The following IFFO2 variants were observed in gnomAD, a reference collection of about 807,000 sequenced individuals.
The protein encoded by IFFO2 is intermediate filament family orphan 2.
A neutral mutation model predicts 53.5 loss-of-function variants in IFFO2; 19 were observed. The observed-to-expected ratio is 0.36, with a 90% CI of 0.25 to 0.52. IFFO2 has a LOEUF of 0.52. Among genes scored for constraint, IFFO2 ranks in the 20% least tolerant of loss-of-function variants. The pLI is 0.94. For missense variants in IFFO2, 570 were observed against 727.4 expected, an observed-to-expected ratio of 0.78 and a Z score of 2.49; for synonymous variants, 303 against 313.6, an observed-to-expected ratio of 0.97 and a Z score of 0.36.
intron 1 of IFFO2, among the ~76,000 whole-genome samples, chr1:18,932,982 C>A (rs964310299): frequency 6.6e-6 from 1 of 152,258 alleles, no homozygotes; most frequent in African/African-American, 2.4e-5. Context: ...CAGAATATCT[C>A]CCACAGCCCA....
intron 1 of IFFO2, among the ~76,000 whole-genome samples, chr1:18,949,923 C>G (rs1936638849): frequency 6.6e-6 from 1 of 152,256 alleles, no homozygotes; most frequent in Non-Finnish European, 1.5e-5. Flanking sequence ...TCAGCGTCAG[C>G]TGTCTCCCTG....
chr1:18,915,117 G>C (rs934600954), intron 5 of IFFO2, among the ~76,000 whole-genome samples: 4 of 152,160 alleles, frequency 2.6e-5, no homozygotes, highest in Admixed American at 6.5e-5. Context: ...GGCATGGCGT[G>C]GGGGACAAAG....
chr1:18,925,430 C>T (rs1392023944), intron 1 of IFFO2, among the ~76,000 whole-genome samples: 1 of 152,214 alleles, frequency 6.6e-6, no homozygotes, highest in Non-Finnish European at 1.5e-5. Flanking sequence ...AGCTCTTGCC[C>T]AAAGGAGCCA....
Position 18,917,179 on chromosome 1 carries a change from G to A in IFFO2, c.964-137C>T. 1.0e-6 allele frequency: 1 copy of A among 970,892 alleles called. No individual in the cohort carries two copies. The highest frequency in any genetic ancestry group is 1.5e-6 in the Non-Finnish European group (1 of 666,404). The allele number at this position is 970,892 out of a possible 1,614,324, so 60.1% of individuals were successfully genotyped here. On this transcript the variant is annotated intron_variant, in intron 4 of 8. Transcript: ENST00000455833. This position sits in a 1 kb window ranked among gnomAD's most constrained non-coding sequence, Gnocchi z 5.9. ...CCGGCCAGTGCCAGGAAAGGTGCAG[G>A]TCCTCTAAGAAGCAGGCGGCGTTAG... is the stretch of plus-strand genomic sequence containing the variant.
chr1:18,930,923 C>T (rs1217711603), intron 1 of IFFO2, among the ~76,000 whole-genome samples: 2 of 152,164 alleles, frequency 1.3e-5, no homozygotes, highest in Admixed American at 6.5e-5. Flanking sequence ...GTAATCCCAA[C>T]ACTTTGGGAG....
Position 18,906,771 on chromosome 1 carries a change from G to C in IFFO2, c.*1790C>G, listed in dbSNP as rs575797206. ...CTAACAAGAGATGCTGACTATGGAA[G>C]TGTCACAGCCAGACTGCCACAGGGG... On this transcript the variant is annotated 3_prime_UTR_variant, in exon 9 of 9. Transcript: ENST00000455833. The C allele has an allele frequency of 1.3e-5, 2 of 152,312 alleles. No homozygotes were observed. Among genetic ancestry groups the C allele is most frequent in the East Asian group, 3.9e-4 (2 of 5,188 alleles). The allele number at this position is 152,312 out of a possible 1,614,324, so 9.4% of individuals were successfully genotyped here. A position where few individuals can be genotyped will look rare whatever the true frequency, so the allele number is the denominator to read the frequency against.
chr1:18,942,561 C>G (rs539059660), intron 1 of IFFO2, among the ~76,000 whole-genome samples: 16 of 152,330 alleles, frequency 1.1e-4, no homozygotes, highest in African/African-American at 3.6e-4. Context: ...AGCAGTAACA[C>G]AACTCCAAGC....
At position 18,947,506 on chromosome 1, in the gene IFFO2, A is replaced by C. The variant is rs1370393861; in HGVS notation, c.665+8162T>G. Among the ~76,000 whole-genome samples the C allele has an allele frequency of 1.3e-5, 2 of 152,340 alleles. No individual in the cohort carries two copies. Among genetic ancestry groups the C allele is most frequent in the East Asian group, 3.9e-4 (2 of 5,190 alleles). On this transcript the variant is annotated intron_variant, in intron 1 of 8. Coordinates refer to ENST00000455833, the MANE Select transcript of IFFO2 (RefSeq NM_001136265.2). The surrounding 1 kb of genome is among the most constrained non-coding windows in gnomAD (Gnocchi z 5.0). The stretch of plus-strand genomic sequence containing the variant: ...CCTTTCTGGGTACAGCACAGGATAA[A>C]GGTTGGATCTGGAGCCTGACTTCCA...
intron 5 of IFFO2, among the ~76,000 whole-genome samples, chr1:18,912,544 C>T (rs543281198): frequency 4.6e-5 from 7 of 152,286 alleles, no homozygotes; most frequent in African/African-American, 1.7e-4. Context: ...AGCCACACAG[C>T]TAGCATGTAG....
rs569308119 is a variant in IFFO2, at chr1:18,918,136, G to A, written c.963+226C>T. Among the ~76,000 whole-genome samples, 1 of 152,280 alleles carries A rather than the reference G, an allele frequency of 6.6e-6. No individual in the cohort carries two copies. Among genetic ancestry groups the A allele is most frequent in the South Asian group, 2.1e-4 (1 of 4,816 alleles). On this transcript the variant is annotated intron_variant, in intron 4 of 8. Transcript: ENST00000455833. The surrounding 1 kb of genome is among the most constrained non-coding windows in gnomAD (Gnocchi z 5.2). ...CACAGCACATCACCCTCTGGGCCTCGGTCTCCCCAGCCATAGGATGAAGCA... is the reference window on the plus strand; with the variant it reads ...CACAGCACATCACCCTCTGGGCCTCAGTCTCCCCAGCCATAGGATGAAGCA...
intron 1 of IFFO2, among the ~76,000 whole-genome samples, chr1:18,944,482 G>T (rs912856520): frequency 2.6e-5 from 4 of 152,134 alleles, no homozygotes; most frequent in African/African-American, 9.7e-5. Context: ...TGGGGGATGG[G>T]GAGGCTGAGG....
At chr1:18,931,804 G>A (rs1936378895) in intron 1 of IFFO2, among the ~76,000 whole-genome samples, 1 of 152,156 alleles carries the variant, frequency 6.6e-6, no homozygotes, top group African/African-American at 2.4e-5. Flanking sequence ...TGGTCTGATG[G>A]TGTCTCGTCG....
chr1:18,948,945 T>G (rs1286407574), intron 1 of IFFO2, among the ~76,000 whole-genome samples: 2 of 152,208 alleles, frequency 1.3e-5, no homozygotes, highest in Non-Finnish European at 2.9e-5. Context: ...AGCATCCCTG[T>G]TTTACAGATG....
intron 1 of IFFO2, among the ~76,000 whole-genome samples, chr1:18,940,903 T>C (rs555766247): frequency 6.6e-6 from 1 of 152,266 alleles, no homozygotes; most frequent in Non-Finnish European, 1.5e-5. Flanking sequence ...CCAAAAGCCA[T>C]GAGGTTTATC....
In IFFO2 at chr1:18,912,059, G is replaced by A. The variant is rs755663116; in HGVS notation, c.1128C>T (p.Asp376=). 3.9e-6 allele frequency: 6 copies of A among 1,551,508 alleles called. No individual in the cohort carries two copies. The highest frequency in any genetic ancestry group is 2.4e-5 in the East Asian group (1 of 40,916). Residue 376 remains aspartate (D), a synonymous_variant, in exon 6 of 9, where the codon GAC becomes GAT. Transcript: ENST00000455833. ...CTTCCCACGTCAGGCTGTCACAGTC[G>A]TCGTCAAAGTCAAAGGTCTCCCGCC... The part of the protein sequence containing the change: ...NQLRETFDFD[D]DCDSLTWEEN...
At position 18,919,853 on chromosome 1, in the gene IFFO2, C is replaced by T; in HGVS notation, c.727-80G>A. The T allele has an allele frequency of 1.0e-6, 1 of 960,822 alleles. No individual in the cohort carries two copies. The highest frequency in any genetic ancestry group is 1.5e-5 in the South Asian group (1 of 68,330). The allele number at this position is 960,822 out of a possible 1,614,324, so 59.5% of individuals were successfully genotyped here. On this transcript the variant is annotated intron_variant, in intron 2 of 8. Transcript: ENST00000455833. The surrounding 1 kb of genome is among the most constrained non-coding windows in gnomAD (Gnocchi z 4.9). ...AGGGTCTGGACACCTGAGTCCAGAG[C>T]CCTAGGCACCCGATGTCCACCCCAG... is the stretch of plus-strand genomic sequence containing the variant.
intron 7 of IFFO2, 65 bp from the exon 8 acceptor site, chr1:18,910,537 C>T (rs1936021203): frequency 1.3e-6 from 2 of 1,541,648 alleles, no homozygotes; most frequent in African/African-American, 2.7e-5. Context: ...GCCTCGGCAA[C>T]CTCTCCTCCT....
chr1:18,939,641 C>T (rs1397144923), intron 1 of IFFO2, among the ~76,000 whole-genome samples: 6 of 152,168 alleles, frequency 3.9e-5, no homozygotes, highest in Admixed American at 3.3e-4. Flanking sequence ...TGAGTCAAGG[C>T]ACAGTCTCTC....
rs963485182 is a variant in IFFO2, at chr1:18,919,985, C to G, written c.727-212G>C. Among the ~76,000 whole-genome samples, 5 of 152,200 alleles carry G rather than the reference C, an allele frequency of 3.3e-5. No individual in the cohort carries two copies. Among genetic ancestry groups the G allele is most frequent in the Non-Finnish European group, 7.3e-5 (5 of 68,038 alleles). On this transcript the variant is annotated intron_variant, in intron 2 of 8. Coordinates refer to ENST00000455833, the MANE Select transcript of IFFO2 (RefSeq NM_001136265.2). The surrounding 1 kb of genome is among the most constrained non-coding windows in gnomAD (Gnocchi z 4.9). The stretch of plus-strand genomic sequence containing the variant: ...ACACTTTTCAAAGCGTTATCTATTA[C>G]GTGGGAAAATCCATGGAAGGTATTA...
Sources: allele counts gnomAD v4.1 joint callset (sites outside exome capture counted in the v4.1 genomes callset), GRCh38; gene constraint gnomAD v4.1.1; non-coding constraint Gnocchi (gnomAD v3.1); transcripts MANE v1.5; gene names NCBI Gene and HGNC (gene_info 2026-07-23, HGNC 2026-07-21).